Variants in KCNIP1 observed in about 807,000 individuals in gnomAD.
The protein encoded by KCNIP1 is potassium voltage-gated channel interacting protein 1, also known as A-type potassium channel modulatory protein KCNIP1.
KCNIP1 carries 18 observed loss-of-function variants against 33.0 expected under a neutral mutation model. That is an observed-to-expected ratio of 0.55 (90% confidence interval 0.38 to 0.81). KCNIP1 has a LOEUF of 0.81. Ranked by LOEUF, KCNIP1 falls within the 30% of genes least tolerant of loss-of-function variation. KCNIP1 has a pLI of 0.00. For missense variants in KCNIP1, 238 were observed against 271.6 expected (o/e 0.88, Z 0.87); for synonymous variants, 93 against 98.3 (o/e 0.95, Z 0.32).
intron 1 of KCNIP1, among the ~76,000 whole-genome samples, chr5:170,670,916 A>T (rs1185458784): frequency 1.7e-4 from 9 of 53,106 alleles, no homozygotes; most frequent in African/African-American, 5.5e-4. Context: ...AAAAAAAATA[A>T]AAAAAAAAGA....
At chr5:170,719,349 C>G (rs1403666445) in intron 2 of KCNIP1, among the ~76,000 whole-genome samples, 2 of 152,208 alleles carry the variant, frequency 1.3e-5, no homozygotes, top group Non-Finnish European at 1.5e-5. Context: ...GGGACCCGCT[C>G]TCCTTGGAAG....
intron 1 of KCNIP1, among the ~76,000 whole-genome samples, chr5:170,659,329 C>A (rs1761388536): frequency 6.6e-6 from 1 of 152,118 alleles, no homozygotes; most frequent in Non-Finnish European, 1.5e-5. Flanking sequence ...GAGGGACACC[C>A]AAATTAGGGA....
intron 1 of KCNIP1, among the ~76,000 whole-genome samples, chr5:170,634,060 AT>A (rs1394074375): frequency 6.6e-6 from 1 of 151,992 alleles, no homozygotes; most frequent in African/African-American, 2.4e-5. Flanking sequence ...AGCCAGCGGG[AT>A]TTGTTGACAG....
chr5:170,555,981 C>T (rs1007601730), intron 1 of KCNIP1, among the ~76,000 whole-genome samples: 1 of 152,198 alleles, frequency 6.6e-6, no homozygotes, highest in Non-Finnish European at 1.5e-5. Context: ...GCCTCCTGCC[C>T]CACTGTGGGC....
At chr5:170,485,230 G>T (rs533778421) in intron 1 of KCNIP1, among the ~76,000 whole-genome samples, 16 of 152,144 alleles carry the variant, frequency 1.1e-4, no homozygotes, top group Admixed American at 8.5e-4. Flanking sequence ...GTAAGCCACC[G>T]CACCCAGCCA....
intron 1 of KCNIP1, among the ~76,000 whole-genome samples, chr5:170,597,419 T>C (rs2113571018): frequency 6.6e-6 from 1 of 152,246 alleles, no homozygotes; most frequent in Admixed American, 6.5e-5. Flanking sequence ...CTGAGCGCTC[T>C]CCCTTTATCT....
rs780554651 is a variant in KCNIP1 at position 170,624,261 on chromosome 5, T to C, written c.62-94497T>C. 6.6e-4 allele frequency among the ~76,000 whole-genome samples: 101 copies of C among 152,180 alleles called. 2 individuals carry two copies. The highest frequency in any genetic ancestry group is 2.8e-4 in the Non-Finnish European group (19 of 68,032). On this transcript the variant is annotated intron_variant, in intron 1 of 7. Coordinates refer to ENST00000328939, the MANE Select transcript of KCNIP1 (RefSeq NM_014592.4). ...GCATCTACTATGTGCCATTCTCCAG[T>C]AGCCATTCTAGGTGCAGGGGATACA...
At chr5:170,368,875 C>T (rs769700020) in intron 1 of KCNIP1, among the ~76,000 whole-genome samples, 4 of 152,208 alleles carry the variant, frequency 2.6e-5, no homozygotes, top group Non-Finnish European at 5.9e-5. Flanking sequence ...CAAACTGGTC[C>T]CCACATGTTT....
At chr5:170,642,525 A>G (rs1397155511) in intron 1 of KCNIP1, among the ~76,000 whole-genome samples, 4 of 152,180 alleles carry the variant, frequency 2.6e-5, no homozygotes, top group Non-Finnish European at 5.9e-5. Context: ...ATCAGCCCCC[A>G]GTTCTGCTTT....
intron 1 of KCNIP1, among the ~76,000 whole-genome samples, chr5:170,535,303 G>A (rs769189659): frequency 3.3e-5 from 5 of 152,182 alleles, no homozygotes; most frequent in African/African-American, 7.2e-5. Flanking sequence ...GGAACCAAGC[G>A]GGGTGCCCTT....
In KCNIP1 at chr5:170,613,166, C is replaced by T. The variant is rs911897548; in HGVS notation, c.62-105592C>T. Among the ~76,000 whole-genome samples, 5 of 152,228 alleles carry T rather than the reference C, an allele frequency of 3.3e-5. No homozygotes were observed. The East Asian group carries it at 9.6e-4, about 29-fold the overall frequency. On this transcript the variant is annotated intron_variant, in intron 1 of 7. Coordinates refer to ENST00000328939, the MANE Select transcript of KCNIP1 (RefSeq NM_014592.4). ...CCCTGAAATTCCAGCTTAAATCTCTCTCCATGTTTGGCCTTCTCTGCCTCT... is the reference window on the plus strand; with the variant it reads ...CCCTGAAATTCCAGCTTAAATCTCTTTCCATGTTTGGCCTTCTCTGCCTCT...
At chr5:170,662,973 T>C (rs1761556915) in intron 1 of KCNIP1, among the ~76,000 whole-genome samples, 1 of 152,214 alleles carries the variant, frequency 6.6e-6, no homozygotes, top group Non-Finnish European at 1.5e-5. Context: ...TCATAGGTGC[T>C]CTTCTCTTTT....
At chr5:170,609,544 T>C (rs1157740087) in intron 1 of KCNIP1, among the ~76,000 whole-genome samples, 2 of 152,156 alleles carry the variant, frequency 1.3e-5, no homozygotes, top group Non-Finnish European at 1.5e-5. Context: ...AAAATTTTTT[T>C]AGAGTACTAG....
chr5:170,477,827 G>A (rs951288887), intron 1 of KCNIP1, among the ~76,000 whole-genome samples: 1 of 152,150 alleles, frequency 6.6e-6, no homozygotes, highest in Non-Finnish European at 1.5e-5. Flanking sequence ...ATTTTTGAGT[G>A]TTGTGCTGTA....
At chr5:170,502,785 A>G (rs923455995), upstream of KCNIP1, among the ~76,000 whole-genome samples, 5 of 151,906 alleles carry the variant, frequency 3.3e-5, no homozygotes, top group Non-Finnish European at 5.9e-5. Flanking sequence ...AGCTTGGGCA[A>G]AGGATCCTCA....
chr5:170,648,245 C>A (rs1760872847), intron 1 of KCNIP1, among the ~76,000 whole-genome samples: 1 of 152,244 alleles, frequency 6.6e-6, no homozygotes, highest in Admixed American at 6.5e-5. Context: ...CTAAACAGAC[C>A]CTTACCATAA....
intron 3 of KCNIP1, among the ~76,000 whole-genome samples, chr5:170,721,288 T>C (rs1763812534): frequency 6.6e-6 from 1 of 152,236 alleles, no homozygotes; most frequent in African/African-American, 2.4e-5. Flanking sequence ...TGAGTTCCAC[T>C]GAGCCACTGT....
intron 1 of KCNIP1, among the ~76,000 whole-genome samples, chr5:170,532,805 A>G (rs1755830567): frequency 6.6e-6 from 1 of 152,110 alleles, no homozygotes; most frequent in South Asian, 2.1e-4. Context: ...TTCTCCAGTG[A>G]CAAGCAACAA....
At chr5:170,664,721 G>C (rs987026192) in intron 1 of KCNIP1, among the ~76,000 whole-genome samples, 1 of 152,136 alleles carries the variant, frequency 6.6e-6, no homozygotes, top group Non-Finnish European at 1.5e-5. Context: ...CAGTTTAGTG[G>C]GGAGCAAAGC....
Sources: allele counts gnomAD v4.1 joint callset (sites outside exome capture counted in the v4.1 genomes callset), GRCh38; gene constraint gnomAD v4.1.1; transcripts MANE v1.5; gene names NCBI Gene and HGNC (gene_info 2026-07-23, HGNC 2026-07-21).